The following CFAP44 variants were observed in gnomAD, a reference collection of about 807,000 sequenced individuals.
CFAP44 encodes the protein cilia and flagella associated protein 44.
A neutral mutation model predicts 216.2 loss-of-function variants in CFAP44; 134 were observed. The ratio of observed to expected loss-of-function variants is 0.62; its 90% CI spans 0.54 to 0.72. The LOEUF is 0.72. Ranked by LOEUF, CFAP44 falls within the 30% of genes least tolerant of loss-of-function variation. The pLI, the probability that CFAP44 is intolerant of heterozygous loss-of-function variation, is 0.00. For missense variants in CFAP44, 2,035 were observed against 2,182.1 expected, an observed-to-expected ratio of 0.93 and a Z score of 1.34; for synonymous variants, 700 against 727.6, an observed-to-expected ratio of 0.96 and a Z score of 0.61.
chr3:113,439,012 T>C (rs1935297009), intron 1 of CFAP44, among the ~76,000 whole-genome samples: 1 of 152,202 alleles, frequency 6.6e-6, no homozygotes, highest in Admixed American at 6.5e-5. Context: ...AATTCACCTA[T>C]CGGGGACATT....
In CFAP44 at chr3:113,292,109, G is replaced by A. The variant is rs533297215; in HGVS notation, c.5374-361C>T. Among the ~76,000 whole-genome samples the A allele has an allele frequency of 7.9e-4, 120 of 152,180 alleles. 1 individual carries two copies. Among genetic ancestry groups the A allele is most frequent in the African/African-American group, 2.7e-3 (112 of 41,520 alleles). On this transcript the variant is annotated intron_variant, in intron 34 of 34. Coordinates refer to ENST00000393845, the MANE Select transcript of CFAP44 (RefSeq NM_001164496.2). ...GAATGAAATCTTCTGTTTCCTCATC[G>A]GAGTTATTTCCCTGTCCAGCTGACT...
intron 22 of CFAP44, among the ~76,000 whole-genome samples, chr3:113,350,900 C>T (rs1415800698): frequency 6.6e-6 from 1 of 152,202 alleles, no homozygotes; most frequent in Non-Finnish European, 1.5e-5. Flanking sequence ...GATTTACTAA[C>T]AGGGGATCTA....
At chr3:113,354,233 A>C (rs964024965) in intron 22 of CFAP44, among the ~76,000 whole-genome samples, 14 of 152,228 alleles carry the variant, frequency 9.2e-5, no homozygotes, top group Non-Finnish European at 1.6e-4. Flanking sequence ...GGAGACTCAC[A>C]TCATGAACTT....
rs116231275 is a variant in CFAP44 at position 113,306,695 on chromosome 3, T to A, written c.4628-364A>T. On this transcript the variant is annotated intron_variant, in intron 29 of 34. Coordinates refer to ENST00000393845, the MANE Select transcript of CFAP44 (RefSeq NM_001164496.2). ...ATAACCAGTACATAACAGAATGGGA[T>A]TCAAGTGCATTATCTCTCTATTATT... 5.0e-3 allele frequency among the ~76,000 whole-genome samples: 755 copies of A among 152,256 alleles called. 7 individuals are homozygous for A. Among genetic ancestry groups the A allele is most frequent in the African/African-American group, 0.018 (727 of 41,530 alleles).
At chr3:113,430,042 C>T (rs1410286504) in intron 2 of CFAP44, among the ~76,000 whole-genome samples, 3 of 152,000 alleles carry the variant, frequency 2.0e-5, no homozygotes, top group Admixed American at 6.6e-5. Context: ...ATACATGGGT[C>T]ATTTACCAAG....
chr3:113,365,814 T>G (rs1169717193), intron 19 of CFAP44, among the ~76,000 whole-genome samples: 1 of 152,160 alleles, frequency 6.6e-6, no homozygotes, highest in Non-Finnish European at 1.5e-5. Context: ...TGACACATTC[T>G]TTTTTAATCT....
chr3:113,338,658 A>C (rs1307369470), intron 24 of CFAP44, among the ~76,000 whole-genome samples: 3 of 152,182 alleles, frequency 2.0e-5, no homozygotes, highest in Non-Finnish European at 4.4e-5. Context: ...GGAACGTTCA[A>C]ACATTTGGGT....
chr3:113,319,540 C>G (rs1950122059), intron 28 of CFAP44, among the ~76,000 whole-genome samples: 1 of 152,064 alleles, frequency 6.6e-6, no homozygotes, highest in Admixed American at 6.5e-5. Context: ...AGGCAGAAAA[C>G]TAACAAAAAA....
Position 113,330,501 on chromosome 3 carries a change from T to C in CFAP44, c.3783A>G (p.Pro1261=). 1 of 1,537,260 alleles carries C rather than the reference T, an allele frequency of 6.5e-7. No homozygotes were observed. Among genetic ancestry groups the C allele is most frequent in the Middle Eastern group, 1.7e-4 (1 of 5,990 alleles). The stretch of plus-strand genomic sequence containing the variant: ...GAAATCTCTTTTCTGGAACTTCTTC[T>C]GGGTGTATCTGAGGAATTTTGGGAA... ...IPIPKIPQIH[P]EEVPEKRFQY... The change falls in exon 26 of 35, where the codon CCA becomes CCG. Residue 1261 remains proline (P), a synonymous_variant. Transcript: ENST00000393845.
chr3:113,303,817 G>C (rs939554067), intron 32 of CFAP44, 99 bp downstream of exon 32: 17 of 1,281,926 alleles, frequency 1.3e-5, no homozygotes, highest in Non-Finnish European at 1.7e-5. Context: ...GTGGTTCTGA[G>C]TCTGCAATTA....
chr3:113,340,291 G>A (rs1161059150), intron 24 of CFAP44, among the ~76,000 whole-genome samples: 1 of 152,144 alleles, frequency 6.6e-6, no homozygotes, highest in African/African-American at 2.4e-5. Context: ...CATTTCCACA[G>A]CCTGTAACAA....
chr3:113,396,250 T>C (rs2107354556), intron 14 of CFAP44, among the ~76,000 whole-genome samples: 1 of 152,340 alleles, frequency 6.6e-6, no homozygotes, highest in South Asian at 2.1e-4. Flanking sequence ...TGGTCCCCAG[T>C]TGAAATTTTC....
chr3:113,365,569 A>T (rs975748094), intron 19 of CFAP44, among the ~76,000 whole-genome samples: 1 of 152,158 alleles, frequency 6.6e-6, no homozygotes, highest in Non-Finnish European at 1.5e-5. Context: ...AAAATACTTT[A>T]TACTGAATCT....
Position 113,287,237 on chromosome 3 carries a change from G to A in CFAP44, c.*4320C>T, listed in dbSNP as rs1429636453. On this transcript the variant is annotated 3_prime_UTR_variant, in exon 35 of 35. Coordinates refer to ENST00000393845, the MANE Select transcript of CFAP44 (RefSeq NM_001164496.2). ...GGTTCATCACGAGCATGAGGGAACA[G>A]CAAGGGGCACGGTATCACAGCCTGG... The A allele has an allele frequency of 1.4e-5, 5 of 359,636 alleles. No individual in the cohort carries two copies. Among genetic ancestry groups the A allele is most frequent in the Admixed American group, 7.9e-5 (2 of 25,320 alleles). 22.3% of individuals were successfully genotyped at this position (359,636 alleles called of 1,614,324 possible).
rs554536870 is a variant in CFAP44 at position 113,406,741 on chromosome 3, G to T, written c.1005+186C>A. Among the ~76,000 whole-genome samples, 109 of 152,208 alleles carry T rather than the reference G, an allele frequency of 7.2e-4. 1 individual carries two copies. The highest frequency in any genetic ancestry group is 2.4e-3 in the African/African-American group (99 of 41,538). ...AAATAGAAAATGGTAGGTAAGTATG[G>T]ATTATGACAATTTCAGGGAAATATT... On this transcript the variant is annotated intron_variant, in intron 8 of 34. Coordinates refer to ENST00000393845, the MANE Select transcript of CFAP44 (RefSeq NM_001164496.2).
chr3:113,308,398 T>G (rs1950006217), intron 28 of CFAP44, 130 bp from the exon 29 acceptor site: 1 of 717,164 alleles, frequency 1.4e-6, no homozygotes. Flanking sequence ...TTTAAAATGG[T>G]TAAGGACACA....
intron 32 of CFAP44, among the ~76,000 whole-genome samples, chr3:113,301,846 T>C (rs990821883): frequency 1.2e-4 from 19 of 152,240 alleles, no homozygotes; most frequent in Admixed American, 6.5e-5. Flanking sequence ...ATAGTCATCA[T>C]AGTATACAAT....
At chr3:113,371,844 T>C (rs1297875741) in intron 18 of CFAP44, among the ~76,000 whole-genome samples, 1 of 152,158 alleles carries the variant, frequency 6.6e-6, no homozygotes, top group Non-Finnish European at 1.5e-5. Flanking sequence ...AAAGGGCTAA[T>C]ATCCAGAATC....
chr3:113,295,825 G>A (rs1486136635), intron 33 of CFAP44, among the ~76,000 whole-genome samples: 1 of 152,158 alleles, frequency 6.6e-6, no homozygotes, highest in Non-Finnish European at 1.5e-5. Context: ...AATTGGCACA[G>A]CATGCAAAAA....
Sources: allele counts gnomAD v4.1 joint callset (sites outside exome capture counted in the v4.1 genomes callset), GRCh38; gene constraint gnomAD v4.1.1; transcripts MANE v1.5; gene names NCBI Gene and HGNC (gene_info 2026-07-23, HGNC 2026-07-21).